Variants in NAV3 observed in about 807,000 individuals in gnomAD.
NAV3 encodes pore membrane and/or filament interacting like protein 1.
In NAV3, 87 loss-of-function variants were observed where a neutral mutation model predicts 244.7. The ratio of observed to expected loss-of-function variants is 0.36; its 90% CI spans 0.30 to 0.42. The LOEUF (loss-of-function observed/expected upper bound fraction) is 0.42, where lower values mean the gene tolerates loss of function less well. NAV3 is among the 20% of genes least tolerant of loss of function. NAV3 has a pLI of 1.00. For synonymous variants in NAV3, 1,126 were observed against 1,042.2 expected (o/e 1.08, Z -1.55); for missense variants, 2,663 against 2,893.3 (o/e 0.92, Z 1.83).
At chr12:78,103,181 C>CT (rs1954624605) in intron 12 of NAV3, among the ~76,000 whole-genome samples, 1 of 152,178 alleles carries the variant, frequency 6.6e-6, no homozygotes, top group South Asian at 2.1e-4. Context: ...CTCTTGAATG[C>CT]TTTGCTGCTT....
chr12:78,149,071 C>T (rs978054830), intron 22 of NAV3, 152 bp downstream of exon 22: 13 of 650,710 alleles, frequency 2.0e-5, no homozygotes, highest in Non-Finnish European at 3.2e-5. Context: ...TTTTTGCCTA[C>T]TCAGTAATAA....
At chr12:77,835,009 T>A (rs1874377162) in intron 1 of NAV3, among the ~76,000 whole-genome samples, 1 of 152,196 alleles carries the variant, frequency 6.6e-6, no homozygotes, top group Non-Finnish European at 1.5e-5. Flanking sequence ...AGATAGACGT[T>A]TATTTCATTT....
At chr12:77,931,590 G>C (rs900698995) in intron 1 of NAV3, among the ~76,000 whole-genome samples, 1 of 152,122 alleles carries the variant, frequency 6.6e-6, no homozygotes, top group African/African-American at 2.4e-5. Flanking sequence ...GAAGCGGCCA[G>C]GTGCGGTGGC....
At chr12:78,137,109 T>G in intron 18 of NAV3, 68 bp from the exon 19 acceptor site, 1 of 1,425,576 alleles carries the variant, frequency 7.0e-7, no homozygotes, top group Non-Finnish European at 9.5e-7. Flanking sequence ...TGTTCTTACT[T>G]TCTATCAACC....
chr12:77,765,569 G>A (rs927373298), intron 2 of NAV3, among the ~76,000 whole-genome samples: 2 of 152,120 alleles, frequency 1.3e-5, no homozygotes, highest in African/African-American at 4.8e-5. Flanking sequence ...AAAGATGAAA[G>A]GGGCAATCCA....
intron 2 of NAV3, among the ~76,000 whole-genome samples, chr12:77,619,063 T>A (rs11105968): frequency 0.092 from 13,988 of 152,264 alleles, 1,672 homozygotes; most frequent in African/African-American, 0.28. Flanking sequence ...GAATATATTT[T>A]TATAACCCAG....
chr12:77,949,664 A>ATATT (rs1345765708), intron 3 of NAV3, among the ~76,000 whole-genome samples: 2 of 152,058 alleles, frequency 1.3e-5, no homozygotes, highest in African/African-American at 2.4e-5. Context: ...ACAGAGTAGT[A>ATATT]TATTTGTTAT....
At chr12:77,731,518 T>C (rs1877126700) in intron 2 of NAV3, among the ~76,000 whole-genome samples, 1 of 151,960 alleles carries the variant, frequency 6.6e-6, no homozygotes, top group Non-Finnish European at 1.5e-5. Context: ...ACTATCCAAA[T>C]TGTGATTGGC....
In NAV3 at chr12:78,053,965, T is replaced by C. The variant is rs145395610; in HGVS notation, c.2516+2818T>C. On this transcript the variant is annotated intron_variant, in intron 11 of 39. Transcript: ENST00000397909. ...TATACTCACACTCATGTAGAATGTT[T>C]ATCTGTAGAGTGACAGCATATCTTG... is the stretch of plus-strand genomic sequence containing the variant. Among the ~76,000 whole-genome samples, 423 of 152,310 alleles carry C rather than the reference T, an allele frequency of 2.8e-3. 1 individual carries two copies. Among genetic ancestry groups the C allele is most frequent in the Non-Finnish European group, 4.6e-3 (310 of 68,026 alleles).
At chr12:77,925,950 G>A (rs1470257714) in intron 1 of NAV3, among the ~76,000 whole-genome samples, 2 of 152,122 alleles carry the variant, frequency 1.3e-5, no homozygotes, top group Non-Finnish European at 2.9e-5. Context: ...CTTCCAAGTA[G>A]TCTAATATTT....
At chr12:77,972,867 T>C (rs1468711558) in intron 5 of NAV3, among the ~76,000 whole-genome samples, 3 of 152,148 alleles carry the variant, frequency 2.0e-5, no homozygotes, top group Admixed American at 1.3e-4. Flanking sequence ...AGAGTTCTAG[T>C]TGGCAGGAAA....
chr12:78,145,716 A>C (rs1258277779), intron 20 of NAV3, among the ~76,000 whole-genome samples: 2 of 152,114 alleles, frequency 1.3e-5, no homozygotes, highest in Non-Finnish European at 2.9e-5. Context: ...GCATAGCCAA[A>C]AATGTTTGCC....
intron 2 of NAV3, among the ~76,000 whole-genome samples, chr12:77,645,536 TAAAAAAAAAA>T (rs756805711): frequency 1.6e-5 from 1 of 63,028 alleles, no homozygotes; most frequent in Non-Finnish European, 2.9e-5. Flanking sequence ...TCTCTCTCTC[TAAAAAAAAAA>T]AAAAAAAAAA....
chr12:77,735,039 A>T (rs903513833), intron 2 of NAV3, among the ~76,000 whole-genome samples: 3 of 152,188 alleles, frequency 2.0e-5, no homozygotes, highest in African/African-American at 7.2e-5. Flanking sequence ...GCGAATTGAT[A>T]TATAAATGTC....
intron 2 of NAV3, among the ~76,000 whole-genome samples, chr12:77,710,044 C>G (rs73410448): frequency 0.025 from 3,803 of 152,168 alleles, 89 homozygotes; most frequent in African/African-American, 0.06. Flanking sequence ...AGCTTTAAAA[C>G]TATAGTAATC....
At chr12:77,689,748 AG>A (rs1167887271) in intron 2 of NAV3, among the ~76,000 whole-genome samples, 1 of 151,872 alleles carries the variant, frequency 6.6e-6, no homozygotes, top group East Asian at 1.9e-4. Flanking sequence ...TTTCATTTTT[AG>A]GTATTTTTAT....
At chr12:78,176,978 G>T (rs1480637525) in intron 26 of NAV3, among the ~76,000 whole-genome samples, 163 bp from the exon 27 acceptor site, 1 of 151,948 alleles carries the variant, frequency 6.6e-6, no homozygotes. Flanking sequence ...ACAAAACACG[G>T]TATCATTTTT....
intron 28 of NAV3, among the ~76,000 whole-genome samples, chr12:78,178,785 A>G (rs1958368862): frequency 6.6e-6 from 1 of 152,134 alleles, no homozygotes; most frequent in African/African-American, 2.4e-5. Context: ...CAAATTTTAA[A>G]TGGAAAATAT....
At chr12:77,674,416 C>T (rs1012184039) in intron 2 of NAV3, among the ~76,000 whole-genome samples, 3 of 151,288 alleles carry the variant, frequency 2.0e-5, no homozygotes, top group Admixed American at 6.6e-5. Flanking sequence ...GATAAGGTCT[C>T]ACTCTGTTGC....
Sources: gnomAD v4.1 joint callset for allele counts (sites outside exome capture counted in the v4.1 genomes callset) on GRCh38, gnomAD v4.1.1 for gene constraint, MANE v1.5 for transcripts, NCBI Gene and HGNC (gene_info 2026-07-23, HGNC 2026-07-21) for gene names.